The following ARHGEF9 variants were observed in gnomAD, a reference collection of about 807,000 sequenced individuals.
ARHGEF9 encodes Cdc42 guanine nucleotide exchange factor 9, also known as rho guanine nucleotide exchange factor 9.
ARHGEF9 carries 2 observed loss-of-function variants against 41.3 expected under a neutral mutation model. The observed-to-expected ratio is 0.05, with a 90% confidence interval of 0.02 to 0.15. The LOEUF (loss-of-function observed/expected upper bound fraction) is 0.15. Among genes scored for constraint, ARHGEF9 ranks in the 10% least tolerant of loss-of-function variants. ARHGEF9 has a pLI of 1.00. For synonymous variants in ARHGEF9, 160 were observed against 154.4 expected (o/e 1.04, Z -0.27); for missense variants, 225 against 424.7 (o/e 0.53, Z 4.13).
intron 7 of ARHGEF9, chrX:63,657,425 T>C (rs2048942897): frequency 8.9e-6 from 1 of 112,129 alleles, no homozygotes; most frequent in Non-Finnish European, 1.9e-5. Context: ...TTTCCCAGCA[T>C]AGCTCTGTCA....
intron 1 of ARHGEF9, chrX:63,743,275 C>A (rs1192696161): frequency 8.9e-6 from 1 of 112,382 alleles, no homozygotes; most frequent in Admixed American, 9.4e-5. Context: ...AAATGGCTTG[C>A]CTAGAGACAC....
chrX:63,652,097 A>T (rs1183156630), intron 8 of ARHGEF9, among the ~76,000 whole-genome samples: 2 of 111,836 alleles, frequency 1.8e-5, no homozygotes. Flanking sequence ...TCACATCCTA[A>T]CATTCAGTCA....
At chrX:63,667,146 C>A (rs1569453286) in intron 6 of ARHGEF9, among the ~76,000 whole-genome samples, 1 of 111,973 alleles carries the variant, frequency 8.9e-6, no homozygotes, top group East Asian at 2.8e-4. Context: ...TTCCTGAGCA[C>A]CTATATGAGT....
chrX:63,763,191 A>G (rs1220758567), intron 1 of ARHGEF9, among the ~76,000 whole-genome samples: 2 of 110,113 alleles, frequency 1.8e-5, no homozygotes, highest in Non-Finnish European at 3.8e-5. Context: ...CAAATTTAGT[A>G]TTATGATGTG....
Position 63,636,541 on chromosome X carries a change from G to A in ARHGEF9, c.*1487C>T, listed in dbSNP as rs1203602994. On this transcript the variant is annotated 3_prime_UTR_variant, in exon 10 of 10. Transcript: ENST00000671741. Reference sequence around the variant, plus strand: ...AACTCACTTGCCCCAAATGTCCTGGGATGAGAGGATGTTGGAAACACGGCC... The same window carrying A: ...AACTCACTTGCCCCAAATGTCCTGGAATGAGAGGATGTTGGAAACACGGCC... 2 of 152,624 alleles carry A rather than the reference G, an allele frequency of 1.3e-5. No homozygotes were observed. Among genetic ancestry groups the A allele is most frequent in the Non-Finnish European group, 2.5e-5 (2 of 80,342 alleles). 12.6% of individuals were successfully genotyped at this position (152,624 alleles called of 1,213,427 possible).
At chrX:63,779,364 G>A (rs1186482643) in intron 1 of ARHGEF9, among the ~76,000 whole-genome samples, 4 of 112,365 alleles carry the variant, frequency 3.6e-5, no homozygotes, top group Non-Finnish European at 7.5e-5. Context: ...CACGATCACG[G>A]CAGAAGGTGA....
intron 8 of ARHGEF9, among the ~76,000 whole-genome samples, chrX:63,645,011 A>G (rs1320900179): frequency 9.1e-6 from 1 of 109,559 alleles, no homozygotes; most frequent in South Asian, 4.0e-4. Flanking sequence ...CTGGGCTCAA[A>G]CGATCCTCCC....
intron 6 of ARHGEF9, among the ~76,000 whole-genome samples, chrX:63,672,108 T>C (rs1338687884): frequency 9.0e-6 from 1 of 110,714 alleles, no homozygotes; most frequent in Non-Finnish European, 1.9e-5. Context: ...ATGAATTAAA[T>C]GGGAATAGCA....
At chrX:63,777,563 T>C in intron 1 of ARHGEF9, among the ~76,000 whole-genome samples, 1 of 112,232 alleles carries the variant, frequency 8.9e-6, no homozygotes. Flanking sequence ...AAGTCTCATC[T>C]GAGACAAGGC....
intron 2 of ARHGEF9, among the ~76,000 whole-genome samples, chrX:63,724,304 G>T (rs2053827687): frequency 2.7e-5 from 3 of 111,486 alleles, no homozygotes; most frequent in South Asian, 7.7e-4. Flanking sequence ...AAGGTGGGAG[G>T]TGGTGGGGCG....
intron 4 of ARHGEF9, among the ~76,000 whole-genome samples, chrX:63,681,637 T>G (rs2147351312): frequency 9.1e-6 from 1 of 109,442 alleles, no homozygotes; most frequent in African/African-American, 3.3e-5. Flanking sequence ...TTAAAAAAAA[T>G]CTGAAATAAA....
chrX:63,764,670 G>A (rs1255368773), intron 1 of ARHGEF9, among the ~76,000 whole-genome samples: 3 of 111,926 alleles, frequency 2.7e-5, no homozygotes, highest in Admixed American at 9.4e-5. Flanking sequence ...TCCTTTGCAG[G>A]GACATGGATG....
At chrX:63,763,842 T>A (rs1267998503) in intron 1 of ARHGEF9, among the ~76,000 whole-genome samples, 1 of 111,543 alleles carries the variant, frequency 9.0e-6, no homozygotes, top group African/African-American at 3.3e-5. Flanking sequence ...TAAATGACAA[T>A]AAATACTATT....
At chrX:63,712,750 A>C (rs1272422499) in intron 2 of ARHGEF9, among the ~76,000 whole-genome samples, 1 of 111,831 alleles carries the variant, frequency 8.9e-6, no homozygotes, top group East Asian at 2.8e-4. Flanking sequence ...TAAAAAGCTA[A>C]AACTGTCTAG....
chrX:63,705,240 C>T (rs1371319120), intron 3 of ARHGEF9, among the ~76,000 whole-genome samples: 4 of 110,795 alleles, frequency 3.6e-5, no homozygotes, highest in African/African-American at 6.6e-5. Context: ...CTACTGACTC[C>T]ACAGTGGACC....
intron 4 of ARHGEF9, among the ~76,000 whole-genome samples, chrX:63,686,469 TA>T (rs372458018): frequency 1.2e-4 from 13 of 110,285 alleles, no homozygotes; most frequent in African/African-American, 2.3e-4. Context: ...TGACTATACT[TA>T]AAAAAAATGC....
At chrX:63,647,039 A>G (rs1431767931) in intron 8 of ARHGEF9, among the ~76,000 whole-genome samples, 1 of 111,321 alleles carries the variant, frequency 9.0e-6, no homozygotes, top group African/African-American at 3.3e-5. Flanking sequence ...TTTGTCTATT[A>G]TTGGTGTATA....
intron 8 of ARHGEF9, among the ~76,000 whole-genome samples, chrX:63,652,833 G>C (rs1474576030): frequency 1.2e-3 from 131 of 110,794 alleles, no homozygotes; most frequent in African/African-American, 4.2e-3. Context: ...ATCATGGGGG[G>C]AATTTCTCCC....
chrX:63,685,806 T>C (rs1347351428), intron 4 of ARHGEF9, among the ~76,000 whole-genome samples: 1 of 111,782 alleles, frequency 8.9e-6, no homozygotes, highest in African/African-American at 3.2e-5. Flanking sequence ...ACAAAAGGGA[T>C]CATAGGCCTA....
Sources: gnomAD v4.1 joint callset for allele counts (sites outside exome capture counted in the v4.1 genomes callset) on GRCh38, gnomAD v4.1.1 for gene constraint, MANE v1.5 for transcripts, NCBI Gene and HGNC (gene_info 2026-07-23, HGNC 2026-07-21) for gene names.